The following PANK4 variants were observed in gnomAD, a reference collection of about 807,000 sequenced individuals.
PANK4 encodes 4'-phosphopantetheine phosphatase.
A neutral mutation model predicts 87.9 loss-of-function variants in PANK4; 40 were observed. That is an observed-to-expected ratio of 0.46 (90% CI 0.35 to 0.59). PANK4 has a LOEUF of 0.59. Among genes scored for constraint, PANK4 ranks in the 20% least tolerant of loss-of-function variants. PANK4 has a pLI of 0.00. For synonymous variants in PANK4, 524 were observed against 467.4 expected (o/e 1.12, Z -1.56); for missense variants, 926 against 1,072.3 (o/e 0.86, Z 1.90).
At chr1:2,525,174 G>A (rs1643909742) in intron 1 of PANK4, among the ~76,000 whole-genome samples, 2 of 152,092 alleles carry the variant, frequency 1.3e-5, no homozygotes, top group South Asian at 2.1e-4. Flanking sequence ...CAACCCCGAG[G>A]ACACCACAGC....
At chr1:2,521,471 C>T (rs778264961) in intron 2 of PANK4, 156 bp from the exon 3 acceptor site, 7 of 730,900 alleles carry the variant, frequency 9.6e-6, no homozygotes, top group South Asian at 3.2e-5. Flanking sequence ...AGCCTAGGAC[C>T]GTGGCGACCT....
chr1:2,523,730 C>A (rs932988525), intron 1 of PANK4, among the ~76,000 whole-genome samples: 2 of 152,212 alleles, frequency 1.3e-5, no homozygotes, highest in Non-Finnish European at 2.9e-5. Flanking sequence ...GCGAGGGGCA[C>A]GCACAGCAGG....
chr1:2,512,828 C>T (rs1341561533), intron 13 of PANK4, 60 bp downstream of exon 13: 2 of 1,563,208 alleles, frequency 1.3e-6, no homozygotes, highest in African/African-American at 1.4e-5. Flanking sequence ...TGCCCGCAAG[C>T]CTGGGGCAGG....
chr1:2,510,741 A>G lies in PANK4; in HGVS notation c.1875T>C (p.Ser625=). 1.2e-6 allele frequency: 2 copies of G among 1,612,584 alleles called. No individual in the cohort carries two copies. The highest frequency in any genetic ancestry group is 1.7e-6 in the Non-Finnish European group (2 of 1,179,228). The change falls in exon 16 of 19, where the codon AGT becomes AGC. Residue 625 remains serine (S), a synonymous_variant. Coordinates refer to ENST00000378466, the MANE Select transcript of PANK4 (RefSeq NM_018216.4). This position sits in a 1 kb window ranked among gnomAD's most constrained non-coding sequence, Gnocchi z 4.9. ...AGACTCCCAAAATGATGTCTATTCCACTGTTATCTGCGAAAATTAAGGCAC... is the reference window on the plus strand; with the variant it reads ...AGACTCCCAAAATGATGTCTATTCCGCTGTTATCTGCGAAAATTAAGGCAC... ...HKCALIFADN[S]GIDIILGVFP... is the part of the protein sequence containing the mutation.
intron 1 of PANK4, 179 bp from the exon 2 acceptor site, chr1:2,521,979 C>G (rs746094123): frequency 3.4e-6 from 2 of 587,540 alleles, no homozygotes; most frequent in Admixed American, 3.0e-5. Context: ...AACGAACAAT[C>G]AAATCTACAC....
Position 2,519,037 on chromosome 1 carries a change from CCCTCCAGGCCT to C in PANK4, c.1035+95_1035+105del. The C allele has an allele frequency of 9.1e-7, 1 of 1,098,866 alleles. No individual in the cohort carries two copies. The highest frequency in any genetic ancestry group is 2.4e-5 in the East Asian group (1 of 41,902). 68.1% of individuals were successfully genotyped at this position (1,098,866 alleles called of 1,614,324 possible). On this transcript the variant is annotated intron_variant, in intron 7 of 18. Transcript: ENST00000378466. This position sits in a 1 kb window ranked among gnomAD's most constrained non-coding sequence, Gnocchi z 8.3. The stretch of plus-strand genomic sequence containing the variant: ...GGGGTGCTGGGCTTCTTGGCCCCCA[CCCTCCAGGCCT>C]CCCTGGGGGTGCTGCGGTGTCTAAC...
chr1:2,519,334 G>T lies in PANK4; in HGVS notation c.854-10C>A. 1.3e-6 allele frequency: 2 copies of T among 1,595,250 alleles called. No individual in the cohort carries two copies. Among genetic ancestry groups the T allele is most frequent in the Non-Finnish European group, 1.7e-6 (2 of 1,167,478 alleles). On this transcript the variant is annotated splice_polypyrimidine_tract_variant and intron_variant, in intron 6 of 18. Coordinates refer to ENST00000378466, the MANE Select transcript of PANK4 (RefSeq NM_018216.4). The surrounding 1 kb of genome is among the most constrained non-coding windows in gnomAD (Gnocchi z 8.3). ...TCTTCTTTGGAGAACTCTGAGGAAG[G>T]GAAGGAAAAGGCACTCATCTCCAAG...
At position 2,520,553 on chromosome 1, in the gene PANK4, C is replaced by G; in HGVS notation, c.607-139G>C. On this transcript the variant is annotated intron_variant, in intron 4 of 18. Transcript: ENST00000378466. This position sits in a 1 kb window ranked among gnomAD's most constrained non-coding sequence, Gnocchi z 6.2. ...AGTGGGAGGACTCTCATGGCCAAGC[C>G]TGGGGGCGCTGATGCCCCTCCCACA... 9.9e-7 allele frequency: 1 copy of G among 1,013,234 alleles called. No individual in the cohort carries two copies. Among genetic ancestry groups the G allele is most frequent in the Non-Finnish European group, 1.5e-6 (1 of 680,248 alleles). 62.8% of individuals were successfully genotyped at this position (1,013,234 alleles called of 1,614,324 possible). A position where few individuals can be genotyped will look rare whatever the true frequency, so the allele number is the denominator to read the frequency against.
At chr1:2,523,646 C>A (rs1380831578) in intron 1 of PANK4, among the ~76,000 whole-genome samples, 1 of 152,214 alleles carries the variant, frequency 6.6e-6, no homozygotes, top group Non-Finnish European at 1.5e-5. Flanking sequence ...GACCCCTGCA[C>A]GGAGAGGCCC....
At chr1:2,513,259 G>T (rs1163213871) in intron 12 of PANK4, among the ~76,000 whole-genome samples, 1 of 152,268 alleles carries the variant, frequency 6.6e-6, no homozygotes, top group Non-Finnish European at 1.5e-5. Flanking sequence ...CAGCCCCCAT[G>T]TGACTGAGCA....
At chr1:2,514,270 T>C in intron 11 of PANK4, 84 bp downstream of exon 11, 6 of 1,238,232 alleles carry the variant, frequency 4.8e-6, no homozygotes, top group Non-Finnish European at 5.9e-6. Flanking sequence ...GGGGTCCGAA[T>C]GCCAACATCA....
intron 13 of PANK4, chr1:2,512,684 G>C: frequency 1.7e-6 from 1 of 584,334 alleles, no homozygotes; most frequent in Non-Finnish European, 3.0e-6. Flanking sequence ...CTCAGAACCT[G>C]AGGGGACAGA....
chr1:2,511,987 C>A (rs370568337), intron 13 of PANK4, among the ~76,000 whole-genome samples: 2 of 152,246 alleles, frequency 1.3e-5, no homozygotes, highest in African/African-American at 4.8e-5. Flanking sequence ...TCTTAACATG[C>A]TGCGATCCGC....
rs539000713 is a variant in PANK4, at chr1:2,510,547, G to A, written c.1938+131C>T. Reference sequence around the variant, plus strand: ...ATGACGGCTCTGGGCCGCCTCCCCCGTGCTGCTGCCTGCACCTACCTGCTG... The same window carrying A: ...ATGACGGCTCTGGGCCGCCTCCCCCATGCTGCTGCCTGCACCTACCTGCTG... On this transcript the variant is annotated intron_variant, in intron 16 of 18. Coordinates refer to ENST00000378466, the MANE Select transcript of PANK4 (RefSeq NM_018216.4). The surrounding 1 kb of genome is among the most constrained non-coding windows in gnomAD (Gnocchi z 4.9). 6.5e-5 allele frequency: 44 copies of A among 672,274 alleles called. 1 individual carries two copies. Among genetic ancestry groups the A allele is most frequent in the South Asian group, 5.7e-4 (33 of 57,988 alleles). 41.6% of individuals were successfully genotyped at this position (672,274 alleles called of 1,614,324 possible).
chr1:2,521,972 G>A (rs1188789982), intron 1 of PANK4, 172 bp from the exon 2 acceptor site: 6 of 612,230 alleles, frequency 9.8e-6, no homozygotes, highest in Admixed American at 2.8e-5. Context: ...ACAGGAAAAC[G>A]AACAATCAAA....
Position 2,511,679 on chromosome 1 carries a change from G to A in PANK4, c.1732C>T (p.Leu578Phe). The change falls in exon 14 of 19, where the codon CTT (leucine) becomes TTT (phenylalanine). Residue 578 changes from leucine (L) to phenylalanine (F), a missense_variant. Physicochemically the swap from Leu to Phe is conservative, Grantham distance 22 (BLOSUM62 0). Coordinates refer to ENST00000378466, the MANE Select transcript of PANK4 (RefSeq NM_018216.4). Reference sequence around the variant, plus strand: ...AACCCAAAGTAGGGGTCGGATTCAAGGACACTGCATGGAGGAGGAGAAAAG... The same window carrying A: ...AACCCAAAGTAGGGGTCGGATTCAAAGACACTGCATGGAGGAGGAGAAAAG... ...DWGAKAVSAV[L>F]ESDPYFGFEE... 6.2e-7 allele frequency: 1 copy of A among 1,601,234 alleles called. No homozygotes were observed. The highest frequency in any genetic ancestry group is 8.6e-7 in the Non-Finnish European group (1 of 1,168,622).
chr1:2,515,902 T>C lies in PANK4; in HGVS notation c.1219-185A>G. ...TGCCCGGCGGCCTGAGCCGGATACCTTGACTTACCCCCTGGTTTGACACTG... is the reference window on the plus strand; with the variant it reads ...TGCCCGGCGGCCTGAGCCGGATACCCTGACTTACCCCCTGGTTTGACACTG... On this transcript the variant is annotated intron_variant, in intron 9 of 18. Transcript: ENST00000378466. The surrounding 1 kb of genome is among the most constrained non-coding windows in gnomAD (Gnocchi z 5.0). 2 of 630,804 alleles carry C rather than the reference T, an allele frequency of 3.2e-6. No homozygotes were observed. Among genetic ancestry groups the C allele is most frequent in the South Asian group, 3.9e-5 (2 of 51,568 alleles). 39.1% of individuals were successfully genotyped at this position (630,804 alleles called of 1,614,324 possible). A position where few individuals can be genotyped will look rare whatever the true frequency, so the allele number is the denominator to read the frequency against.
At position 2,520,558 on chromosome 1, in the gene PANK4, G is replaced by A. The variant is rs1056271540; in HGVS notation, c.607-144C>T. Reference sequence around the variant, plus strand: ...GAGGACTCTCATGGCCAAGCCTGGGGGCGCTGATGCCCCTCCCACAGAGGC... The same window carrying A: ...GAGGACTCTCATGGCCAAGCCTGGGAGCGCTGATGCCCCTCCCACAGAGGC... On this transcript the variant is annotated intron_variant, in intron 4 of 18. Transcript: ENST00000378466. This position sits in a 1 kb window ranked among gnomAD's most constrained non-coding sequence, Gnocchi z 6.2. 6 of 1,014,902 alleles carry A rather than the reference G, an allele frequency of 5.9e-6. No individual in the cohort carries two copies. The African/African-American group carries it at 6.4e-5, about 11-fold the overall frequency. The allele number at this position is 1,014,902 out of a possible 1,614,324, so 62.9% of individuals were successfully genotyped here. A position where few individuals can be genotyped will look rare whatever the true frequency, so the allele number is the denominator to read the frequency against.
In PANK4 at chr1:2,520,199, C is replaced by T; in HGVS notation, c.699+123G>A. The stretch of plus-strand genomic sequence containing the variant: ...AGTGAAGCCGCAGAGGCCAGAGACC[C>T]ACTGACGCGAGTCAGGAGGGAGGCC... On this transcript the variant is annotated intron_variant, in intron 5 of 18. Transcript: ENST00000378466. The surrounding 1 kb of genome is among the most constrained non-coding windows in gnomAD (Gnocchi z 6.2). 1.1e-6 allele frequency: 1 copy of T among 918,094 alleles called. No individual in the cohort carries two copies. The highest frequency in any genetic ancestry group is 1.7e-6 in the Non-Finnish European group (1 of 577,780). 56.9% of individuals were successfully genotyped at this position (918,094 alleles called of 1,614,324 possible).
Sources: gnomAD v4.1 joint callset for allele counts (sites outside exome capture counted in the v4.1 genomes callset) on GRCh38, gnomAD v4.1.1 for gene constraint, Gnocchi (gnomAD v3.1) non-coding constraint, MANE v1.5 for transcripts, NCBI Gene and HGNC (gene_info 2026-07-23, HGNC 2026-07-21) for gene names.